The following ENTREP2 variants were observed in gnomAD, a reference collection of about 807,000 sequenced individuals.
ENTREP2 encodes the protein protein ENTREP2.
the ENTREP2 span, among the ~76,000 whole-genome samples, chr15:29,243,180 A>AC: frequency 6.6e-6 from 1 of 152,196 alleles, no homozygotes; most frequent in African/African-American, 2.4e-5. Flanking sequence ...TTTTGATCAC[A>AC]ACAAGCTGGG....
the ENTREP2 span, among the ~76,000 whole-genome samples, chr15:29,424,921 T>C: frequency 6.6e-6 from 1 of 152,236 alleles, no homozygotes; most frequent in Non-Finnish European, 1.5e-5. Flanking sequence ...CTAATTCTAC[T>C]GACACAGTAC....
the ENTREP2 span, among the ~76,000 whole-genome samples, chr15:29,129,570 A>G: frequency 2.0e-5 from 3 of 152,036 alleles, no homozygotes; most frequent in Non-Finnish European, 1.5e-5. Context: ...GCAGACTCGA[A>G]CTCCTGGGGT....
the ENTREP2 span, among the ~76,000 whole-genome samples, chr15:29,626,302 G>C: frequency 4.6e-5 from 7 of 152,156 alleles, no homozygotes. Context: ...CAAAGGCAGG[G>C]CCAAGTGGAG....
chr15:29,133,986 C>T, the ENTREP2 span, among the ~76,000 whole-genome samples: 1 of 152,250 alleles, frequency 6.6e-6, no homozygotes, highest in Admixed American at 6.5e-5. Context: ...GCCCTTCCAG[C>T]CCCACTCCCT....
chr15:29,417,319 A>G, the ENTREP2 span, among the ~76,000 whole-genome samples: 1 of 152,250 alleles, frequency 6.6e-6, no homozygotes, highest in African/African-American at 2.4e-5. Context: ...GCAGCCATAA[A>G]AAATGATGAG....
the ENTREP2 span, among the ~76,000 whole-genome samples, chr15:29,123,865 A>G: frequency 6.6e-6 from 1 of 152,182 alleles, no homozygotes; most frequent in East Asian, 1.9e-4. Flanking sequence ...TGCAGCCTCC[A>G]GGAGCGAAGG....
the ENTREP2 span, among the ~76,000 whole-genome samples, chr15:29,657,089 T>G: frequency 6.6e-6 from 1 of 152,120 alleles, no homozygotes; most frequent in African/African-American, 2.4e-5. Flanking sequence ...CCGCTGTTCC[T>G]CACGCCAGAG....
chr15:29,646,299 AT>A, the ENTREP2 span, among the ~76,000 whole-genome samples: 1 of 152,306 alleles, frequency 6.6e-6, no homozygotes, highest in East Asian at 1.9e-4. Flanking sequence ...CAAAGCTGAT[AT>A]TGAGGTGTGG....
the ENTREP2 span, among the ~76,000 whole-genome samples, chr15:29,559,443 C>G: frequency 2.4e-4 from 36 of 152,258 alleles, no homozygotes; most frequent in African/African-American, 7.9e-4. Flanking sequence ...CCTATTGCTG[C>G]TGTAACAAAT....
chr15:29,334,725 A>G, the ENTREP2 span, among the ~76,000 whole-genome samples: 1 of 152,168 alleles, frequency 6.6e-6, no homozygotes, highest in Non-Finnish European at 1.5e-5. Flanking sequence ...TGCGTGATCC[A>G]GCGAATGTGA....
chr15:29,136,917 C>G, the ENTREP2 span: 1 of 915,326 alleles, frequency 1.1e-6, no homozygotes, highest in East Asian at 3.3e-5. Context: ...CCCTCTCCTT[C>G]CACTGCCCCT....
chr15:29,128,731 A>T, the ENTREP2 span: 2 of 1,281,296 alleles, frequency 1.6e-6, no homozygotes, highest in Non-Finnish European at 2.2e-6. Flanking sequence ...AGGACGAAAA[A>T]GAGACACCCT....
chr15:29,489,193 G>C, the ENTREP2 span, among the ~76,000 whole-genome samples: 1 of 152,186 alleles, frequency 6.6e-6, no homozygotes, highest in Non-Finnish European at 1.5e-5. Flanking sequence ...CTGAATCACA[G>C]GCAGTAGCAG....
At chr15:29,459,471 C>T in the ENTREP2 span, among the ~76,000 whole-genome samples, 4 of 152,206 alleles carry the variant, frequency 2.6e-5, no homozygotes, top group African/African-American at 9.7e-5. Flanking sequence ...ATTTCTCACC[C>T]TTACTGTAAG....
At chr15:29,193,969 AAG>A in the ENTREP2 span, among the ~76,000 whole-genome samples, 1 of 152,236 alleles carries the variant, frequency 6.6e-6, no homozygotes, top group East Asian at 1.9e-4. Context: ...TGATGAAAAA[AAG>A]AAACACTGAA....
chr15:29,591,409 TG>T, the ENTREP2 span, among the ~76,000 whole-genome samples: 1 of 152,194 alleles, frequency 6.6e-6, no homozygotes, highest in African/African-American at 2.4e-5. Flanking sequence ...AGACCCCATA[TG>T]TAGGGCAGTG....
At chr15:29,464,688 G>A in the ENTREP2 span, among the ~76,000 whole-genome samples, 2 of 152,172 alleles carry the variant, frequency 1.3e-5, no homozygotes, top group African/African-American at 2.4e-5. Flanking sequence ...ACAGTCGCTC[G>A]TGGACCCTAT....
At chr15:29,179,283 A>C in the ENTREP2 span, among the ~76,000 whole-genome samples, 1 of 152,250 alleles carries the variant, frequency 6.6e-6, no homozygotes, top group South Asian at 2.1e-4. Context: ...AAGAACACTA[A>C]ATGTGGTGAG....
At chr15:29,382,448 G>A in the ENTREP2 span, among the ~76,000 whole-genome samples, 2 of 151,520 alleles carry the variant, frequency 1.3e-5, no homozygotes, top group Non-Finnish European at 2.9e-5. Context: ...CAGCCCCTGC[G>A]AGCCCCTCCC....
Sources: allele counts gnomAD v4.1 joint callset (sites outside exome capture counted in the v4.1 genomes callset), GRCh38; gene constraint gnomAD v4.1.1; transcripts MANE v1.5; gene names NCBI Gene and HGNC (gene_info 2026-07-23, HGNC 2026-07-21).